Variants in LARS2 observed in about 807,000 individuals in gnomAD.
The protein encoded by LARS2 is leucyl-tRNA synthetase 2, mitochondrial, also known as leucine--tRNA ligase, mitochondrial.
Under a neutral mutation model 116.6 loss-of-function variants are expected in LARS2, and 81 were observed. That is an observed-to-expected ratio of 0.69 (90% CI 0.58 to 0.84). LARS2 has a LOEUF of 0.84. Ranked by LOEUF, LARS2 falls within the 40% of genes least tolerant of loss-of-function variation. The pLI is 0.00. For missense variants in LARS2, 968 were observed against 1,114.5 expected (o/e 0.87, Z 1.87); for synonymous variants, 396 against 407.2 (o/e 0.97, Z 0.33).
At chr3:45,529,370 C>G (rs530547534) in intron 20 of LARS2, among the ~76,000 whole-genome samples, 1 of 151,940 alleles carries the variant, frequency 6.6e-6, no homozygotes. Flanking sequence ...AGTTCGAGAC[C>G]AGCCGTCAGG....
chr3:45,514,459 GA>G (rs1316593598), intron 16 of LARS2, among the ~76,000 whole-genome samples: 1 of 152,214 alleles, frequency 6.6e-6, no homozygotes, highest in Non-Finnish European at 1.5e-5. Flanking sequence ...GTCCGTGGGA[GA>G]AAAAGAAGCT....
At chr3:45,395,619 T>C (rs1267092459) in intron 3 of LARS2, among the ~76,000 whole-genome samples, 7 of 152,256 alleles carry the variant, frequency 4.6e-5, no homozygotes, top group Non-Finnish European at 8.8e-5. Flanking sequence ...ATAAAGAGAT[T>C]AGGCCCAAGG....
rs759498312 is a variant in LARS2, at chr3:45,458,788, G to A, written c.652G>A (p.Glu218Lys). 2 of 1,614,162 alleles carry A rather than the reference G, an allele frequency of 1.2e-6. No individual in the cohort carries two copies. The highest frequency in any genetic ancestry group is 1.7e-6 in the Non-Finnish European group (2 of 1,179,998). The change falls in exon 8 of 22, where the codon GAG becomes AAG. Residue 218 changes from glutamate to lysine, a missense_variant. Transcript: ENST00000645846. Reference sequence around the variant, plus strand: ...AGTGGATCAAACAGTGCTTGCCAATGAGCAGGTGGATGAACATGGCTGTTC... The same window carrying A: ...AGTGGATCAAACAGTGCTTGCCAATAAGCAGGTGGATGAACATGGCTGTTC... ...DPVDQTVLANEQVDEHGCSWR... is the reference protein window; with the variant it reads ...DPVDQTVLANKQVDEHGCSWR...
intron 7 of LARS2, among the ~76,000 whole-genome samples, chr3:45,458,157 T>A (rs1699244643): frequency 6.6e-6 from 1 of 152,182 alleles, no homozygotes; most frequent in African/African-American, 2.4e-5. Flanking sequence ...TTATTCTGCT[T>A]GCTAAAATTT....
At chr3:45,526,312 A>T (rs1229496152) in intron 20 of LARS2, among the ~76,000 whole-genome samples, 2 of 152,226 alleles carry the variant, frequency 1.3e-5, no homozygotes, top group East Asian at 3.8e-4. Context: ...CCCCAAAGGG[A>T]TCACTGTCAT....
chr3:45,427,815 C>T (rs577212667), intron 6 of LARS2, among the ~76,000 whole-genome samples: 44 of 142,330 alleles, frequency 3.1e-4, no homozygotes, highest in Middle Eastern at 7.9e-3. Context: ...GCCTTGTTTT[C>T]CTTTTTTTTC....
At chr3:45,494,636 G>A (rs1341252498) in intron 13 of LARS2, among the ~76,000 whole-genome samples, 1 of 152,214 alleles carries the variant, frequency 6.6e-6, no homozygotes, top group Non-Finnish European at 1.5e-5. Context: ...CAGGCCTTGA[G>A]GAGTCTCCAA....
At chr3:45,533,767 G>C (rs183088406) in intron 20 of LARS2, among the ~76,000 whole-genome samples, 3 of 152,270 alleles carry the variant, frequency 2.0e-5, no homozygotes, top group Admixed American at 2.0e-4. Flanking sequence ...ACTGTGGTTT[G>C]CCTCTATCAG....
chr3:45,417,131 C>T (rs1698437215), intron 4 of LARS2, among the ~76,000 whole-genome samples: 1 of 147,396 alleles, frequency 6.8e-6, no homozygotes, highest in Admixed American at 6.8e-5. Context: ...AAAGCCTATA[C>T]ATTATGTGTG....
At chr3:45,402,570 T>G (rs182159938) in intron 4 of LARS2, among the ~76,000 whole-genome samples, 8 of 152,322 alleles carry the variant, frequency 5.3e-5, no homozygotes, top group Non-Finnish European at 8.8e-5. Flanking sequence ...GGTAAGTACA[T>G]CCATTGTCAT....
chr3:45,458,661 C>A, intron 7 of LARS2, 82 bp from the exon 8 acceptor site: 1 of 1,433,746 alleles, frequency 7.0e-7, no homozygotes, highest in Non-Finnish European at 9.7e-7. Flanking sequence ...CACTCTAGCC[C>A]GGGCGACAGT....
At chr3:45,538,127 C>T (rs904934985) in intron 20 of LARS2, among the ~76,000 whole-genome samples, 3 of 152,174 alleles carry the variant, frequency 2.0e-5, no homozygotes, top group Non-Finnish European at 2.9e-5. Context: ...GAGGCGAAAA[C>T]GCTACATAAA....
At chr3:45,444,283 G>A (rs1698974802) in intron 6 of LARS2, among the ~76,000 whole-genome samples, 1 of 150,434 alleles carries the variant, frequency 6.6e-6, no homozygotes, top group Non-Finnish European at 1.5e-5. Flanking sequence ...AAAGTGCTGG[G>A]ATTATAGGCA....
intron 15 of LARS2, among the ~76,000 whole-genome samples, chr3:45,501,264 G>A (rs948905446): frequency 2.0e-5 from 3 of 149,632 alleles, no homozygotes; most frequent in Non-Finnish European, 4.4e-5. Flanking sequence ...ATTGTGTATC[G>A]CTCTTCTACG....
intron 20 of LARS2, among the ~76,000 whole-genome samples, chr3:45,537,540 T>C (rs1284029022): frequency 6.6e-6 from 1 of 152,250 alleles, no homozygotes; most frequent in African/African-American, 2.4e-5. Flanking sequence ...TGAATGTGTG[T>C]GCTGTGTAGA....
intron 1 of LARS2, among the ~76,000 whole-genome samples, chr3:45,390,634 A>ATTAT (rs373874105): frequency 0.17 from 23,151 of 140,258 alleles, 2,194 homozygotes; most frequent in Non-Finnish European, 0.22. Flanking sequence ...TTTTATTTTT[A>ATTAT]TTATTTATTT....
intron 4 of LARS2, among the ~76,000 whole-genome samples, chr3:45,415,898 G>T (rs1485203653): frequency 0.17 from 11,286 of 67,318 alleles, 1,932 homozygotes; most frequent in African/African-American, 0.48. Context: ...GAGAGGGAGA[G>T]AGAGAGAGAG....
intron 19 of LARS2, among the ~76,000 whole-genome samples, chr3:45,521,561 A>G (rs1700456143): frequency 6.6e-6 from 1 of 152,204 alleles, no homozygotes; most frequent in East Asian, 1.9e-4. Context: ...AATTTATAAC[A>G]TGTCAGACAG....
At chr3:45,403,821 A>G (rs1047574704) in intron 4 of LARS2, among the ~76,000 whole-genome samples, 4 of 152,152 alleles carry the variant, frequency 2.6e-5, no homozygotes, top group African/African-American at 9.7e-5. Flanking sequence ...CAGAAATTGA[A>G]CAACCTAGAT....
Sources: allele counts gnomAD v4.1 joint callset (sites outside exome capture counted in the v4.1 genomes callset), GRCh38; gene constraint gnomAD v4.1.1; transcripts MANE v1.5; gene names NCBI Gene and HGNC (gene_info 2026-07-23, HGNC 2026-07-21).